The following MRPL45 variants were observed in gnomAD, a reference collection of about 807,000 sequenced individuals.
MRPL45 encodes large ribosomal subunit protein mL45.
In MRPL45, 20 loss-of-function variants were observed where a neutral mutation model predicts 38.1. The ratio of observed to expected loss-of-function variants is 0.53; its 90% CI spans 0.37 to 0.76. The LOEUF (loss-of-function observed/expected upper bound fraction) is 0.76. Ranked by LOEUF, MRPL45 falls within the 30% of genes least tolerant of loss-of-function variation. The probability of loss-of-function intolerance (pLI) is 0.00; values close to 1 mark genes in which losing one functional copy is unlikely to be tolerated. For missense variants in MRPL45, 337 were observed against 395.6 expected, an observed-to-expected ratio of 0.85 and a Z score of 1.26; for synonymous variants, 105 against 128.8, an observed-to-expected ratio of 0.82 and a Z score of 1.25.
intron 3 of MRPL45, among the ~76,000 whole-genome samples, chr17:38,305,113 G>A (rs1234649679): frequency 6.6e-6 from 1 of 150,998 alleles, no homozygotes; most frequent in Non-Finnish European, 1.5e-5. Context: ...CCAAAGTGCT[G>A]GGATTACAGG....
At chr17:38,303,209 G>C (rs2037016394) in intron 3 of MRPL45, among the ~76,000 whole-genome samples, 2 of 150,632 alleles carry the variant, frequency 1.3e-5, no homozygotes. Context: ...TTTTTTTCCT[G>C]AAGTGTAGTG....
chr17:38,304,399 C>T (rs2144208630), intron 3 of MRPL45, among the ~76,000 whole-genome samples: 1 of 152,272 alleles, frequency 6.6e-6, no homozygotes, highest in African/African-American at 2.4e-5. Flanking sequence ...TTGCATGAGT[C>T]CCAGAGGTCA....
chr17:38,310,449 C>T (rs1343719109), intron 4 of MRPL45, among the ~76,000 whole-genome samples: 1 of 151,626 alleles, frequency 6.6e-6, no homozygotes, highest in Non-Finnish European at 1.5e-5. Context: ...CCTTCTCAGT[C>T]CCTGGAGTAG....
intron 4 of MRPL45, among the ~76,000 whole-genome samples, chr17:38,314,047 T>C (rs753839427): frequency 1.3e-5 from 2 of 152,236 alleles, no homozygotes; most frequent in Non-Finnish European, 2.9e-5. Context: ...TAATCCTTTA[T>C]CAGATATATG....
At position 38,320,603 on chromosome 17, in the gene MRPL45, C is replaced by A. The variant is rs1347529031; in HGVS notation, c.511-15C>A. 1.2e-6 allele frequency: 2 copies of A among 1,610,926 alleles called. No individual in the cohort carries two copies. The highest frequency in any genetic ancestry group is 4.5e-5 in the East Asian group (2 of 44,804). On this transcript the variant is annotated splice_polypyrimidine_tract_variant and intron_variant, in intron 5 of 7. Coordinates refer to ENST00000613675, the MANE Select transcript of MRPL45 (RefSeq NM_032351.6). ...AGGGAAAAATGCAGTTGAACTTGTT[C>A]TCCTTTGCCCTTAGGACATGACTTG...
chr17:38,311,196 C>T (rs1345037401), intron 4 of MRPL45, among the ~76,000 whole-genome samples: 1 of 152,146 alleles, frequency 6.6e-6, no homozygotes, highest in Non-Finnish European at 1.5e-5. Context: ...CCCTTATCAC[C>T]TGGTAACCTC....
chr17:38,310,072 C>T (rs1488659225), intron 4 of MRPL45, among the ~76,000 whole-genome samples: 2 of 150,438 alleles, frequency 1.3e-5, no homozygotes, highest in African/African-American at 2.4e-5. Flanking sequence ...ACCTACCTAT[C>T]GAGTTCTTAA....
At chr17:38,300,610 T>C (rs1392651850) in intron 3 of MRPL45, among the ~76,000 whole-genome samples, 2 of 152,090 alleles carry the variant, frequency 1.3e-5, no homozygotes, top group African/African-American at 4.8e-5. Flanking sequence ...GTATATTGAG[T>C]CAGTATGAAT....
intron 4 of MRPL45, among the ~76,000 whole-genome samples, chr17:38,315,747 T>C (rs2037166978): frequency 7.0e-6 from 1 of 141,972 alleles, no homozygotes; most frequent in Non-Finnish European, 1.5e-5. Flanking sequence ...TTTTTCTTTC[T>C]TTTTTTTTTT....
At chr17:38,304,167 T>C (rs533232768) in intron 3 of MRPL45, among the ~76,000 whole-genome samples, 3 of 152,176 alleles carry the variant, frequency 2.0e-5, no homozygotes, top group Non-Finnish European at 4.4e-5. Context: ...AATTTTTTCC[T>C]CAATTAAAAG....
chr17:38,308,229 T>G (rs1245431858), intron 4 of MRPL45, among the ~76,000 whole-genome samples: 6 of 151,580 alleles, frequency 4.0e-5, no homozygotes, highest in Non-Finnish European at 8.8e-5. Context: ...CAAGCAATTC[T>G]CCTGCCTTAG....
intron 4 of MRPL45, among the ~76,000 whole-genome samples, chr17:38,315,103 C>T (rs1047919094): frequency 5.9e-5 from 9 of 152,192 alleles, no homozygotes; most frequent in African/African-American, 2.2e-4. Flanking sequence ...ACCAAAAGTA[C>T]AGTAATACAG....
intron 5 of MRPL45, 55 bp downstream of exon 5, chr17:38,318,790 T>G: frequency 8.4e-7 from 1 of 1,192,670 alleles, no homozygotes; most frequent in Non-Finnish European, 1.2e-6. Context: ...AGATTCTAGA[T>G]GGCGTCTCTG....
At chr17:38,302,066 G>A (rs1407828263) in intron 3 of MRPL45, among the ~76,000 whole-genome samples, 4 of 136,160 alleles carry the variant, frequency 2.9e-5, no homozygotes, top group Non-Finnish European at 4.6e-5. Flanking sequence ...GCAGTGAGCC[G>A]AGATTGCACC....
chr17:38,303,196 A>AT (rs1054493077), intron 3 of MRPL45, among the ~76,000 whole-genome samples: 7 of 143,482 alleles, frequency 4.9e-5, no homozygotes, highest in South Asian at 2.2e-4. Context: ...TGCATAATAT[A>AT]TTTTTTTTTC....
chr17:38,311,161 A>G (rs568505844), intron 4 of MRPL45, among the ~76,000 whole-genome samples: 2 of 152,166 alleles, frequency 1.3e-5, no homozygotes, highest in African/African-American at 4.8e-5. Context: ...ATACCCATTA[A>G]GCAGTAATTC....
intron 3 of MRPL45, among the ~76,000 whole-genome samples, chr17:38,301,970 A>C (rs2037000738): frequency 1.3e-5 from 2 of 152,006 alleles, no homozygotes; most frequent in Admixed American, 1.3e-4. Flanking sequence ...ACAAAAAATT[A>C]GCCAGGTGCG....
At position 38,318,792 on chromosome 17, in the gene MRPL45, G is replaced by A. The variant is rs1187504999; in HGVS notation, c.510+57G>A. The A allele has an allele frequency of 3.4e-6, 4 of 1,190,550 alleles. No individual in the cohort carries two copies. The East Asian group carries it at 7.0e-5, about 21-fold the overall frequency. 73.7% of individuals were successfully genotyped at this position (1,190,550 alleles called of 1,614,324 possible). A position where few individuals can be genotyped will look rare whatever the true frequency, so the allele number is the denominator to read the frequency against. ...TGACTGAGTGGGCAGATTCTAGATGGCGTCTCTGGTTTTTCTTTTCTTTTC... is the reference window on the plus strand; with the variant it reads ...TGACTGAGTGGGCAGATTCTAGATGACGTCTCTGGTTTTTCTTTTCTTTTC... On this transcript the variant is annotated intron_variant, in intron 5 of 7. Transcript: ENST00000613675.
intron 6 of MRPL45, 98 bp downstream of exon 6, chr17:38,320,865 A>G (rs761425833): frequency 1.6e-5 from 18 of 1,152,284 alleles, no homozygotes; most frequent in African/African-American, 3.0e-5. Flanking sequence ...GACTGTAGAC[A>G]GTAATAAAAG....
Sources: gnomAD v4.1 joint callset for allele counts (sites outside exome capture counted in the v4.1 genomes callset) on GRCh38, gnomAD v4.1.1 for gene constraint, MANE v1.5 for transcripts, NCBI Gene and HGNC (gene_info 2026-07-23, HGNC 2026-07-21) for gene names.